ATP10A: variants seen among roughly 807,000 people sequenced by gnomAD.
The protein encoded by ATP10A is ATPase phospholipid transporting 10A (putative), also known as phospholipid-transporting ATPase VA.
Under a neutral mutation model 147.8 loss-of-function variants are expected in ATP10A, and 111 were observed. The observed-to-expected ratio is 0.75, with a 90% CI of 0.64 to 0.88. The LOEUF (loss-of-function observed/expected upper bound fraction) is 0.88, where lower values mean the gene tolerates loss of function less well. Among genes scored for constraint, ATP10A ranks in the 40% least tolerant of loss-of-function variants. The pLI is 0.00. For synonymous variants in ATP10A, 875 were observed against 841.6 expected (o/e 1.04, Z -0.69); for missense variants, 1,927 against 1,959.0 (o/e 0.98, Z 0.31).
intron 2 of ATP10A, among the ~76,000 whole-genome samples, chr15:25,749,173 T>C (rs993590809): frequency 6.6e-6 from 1 of 152,060 alleles, no homozygotes; most frequent in African/African-American, 2.4e-5. Flanking sequence ...CATATGCATG[T>C]ATACTATATT....
At chr15:25,834,344 G>C (rs1892501461) in intron 1 of ATP10A, among the ~76,000 whole-genome samples, 1 of 152,176 alleles carries the variant, frequency 6.6e-6, no homozygotes, top group African/African-American at 2.4e-5. Context: ...TGAAAGATTT[G>C]ACTAGACAAT....
At chr15:25,830,942 C>T (rs990193504) in intron 1 of ATP10A, among the ~76,000 whole-genome samples, 2 of 152,244 alleles carry the variant, frequency 1.3e-5, no homozygotes, top group African/African-American at 4.8e-5. Flanking sequence ...GACGGCAATA[C>T]TTCCCAGGCT....
At chr15:25,690,239 T>TAA (rs1567302679) in intron 15 of ATP10A, among the ~76,000 whole-genome samples, 123 of 142,478 alleles carry the variant, frequency 8.6e-4, no homozygotes, top group African/African-American at 3.2e-3. Context: ...TTCCTTTTTT[T>TAA]TAAAAAAAAA....
chr15:25,792,164 C>A (rs970797826), intron 1 of ATP10A, among the ~76,000 whole-genome samples: 1 of 152,336 alleles, frequency 6.6e-6, no homozygotes. Flanking sequence ...CAGATAATAT[C>A]ATTTGATTTG....
At chr15:25,849,810 C>T (rs1893199230) in intron 1 of ATP10A, among the ~76,000 whole-genome samples, 1 of 151,826 alleles carries the variant, frequency 6.6e-6, no homozygotes, top group African/African-American at 2.4e-5. Context: ...ATGAATCAAA[C>T]TTTCCATCCT....
chr15:25,760,561 G>A (rs1888708982), intron 2 of ATP10A, among the ~76,000 whole-genome samples: 1 of 152,128 alleles, frequency 6.6e-6, no homozygotes, highest in Admixed American at 6.5e-5. Flanking sequence ...AGAATGGAAA[G>A]AATGAAAAAA....
downstream of ATP10A, among the ~76,000 whole-genome samples, chr15:25,674,215 G>A (rs576369981): frequency 1.7e-4 from 26 of 152,346 alleles, no homozygotes; most frequent in South Asian, 5.0e-3. Context: ...TGGGTGATGA[G>A]GCAGAGCCAC....
intron 7 of ATP10A, among the ~76,000 whole-genome samples, chr15:25,719,670 T>C (rs1220150744): frequency 6.6e-6 from 1 of 151,764 alleles, no homozygotes; most frequent in Non-Finnish European, 1.5e-5. Context: ...TATGTTGGTG[T>C]TCTGAAGCAG....
chr15:25,859,906 T>A (rs1390552931), intron 1 of ATP10A, among the ~76,000 whole-genome samples: 1 of 152,164 alleles, frequency 6.6e-6, no homozygotes, highest in Non-Finnish European at 1.5e-5. Flanking sequence ...AGCTAAAGTC[T>A]GCTCATACTC....
At chr15:25,721,183 T>C (rs1425544407) in intron 7 of ATP10A, among the ~76,000 whole-genome samples, 2 of 152,148 alleles carry the variant, frequency 1.3e-5, no homozygotes, top group Non-Finnish European at 2.9e-5. Context: ...GCTTCAATAA[T>C]TGGGAGTGAG....
At chr15:25,785,498 G>A (rs115408202) in intron 1 of ATP10A, among the ~76,000 whole-genome samples, 4,424 of 152,248 alleles carry the variant, frequency 0.029, 189 homozygotes, top group African/African-American at 0.099. Flanking sequence ...CTGAGCTGAC[G>A]AATACACTTA....
intron 1 of ATP10A, among the ~76,000 whole-genome samples, chr15:25,849,548 C>A (rs2140907094): frequency 1.3e-5 from 2 of 152,292 alleles, no homozygotes; most frequent in Middle Eastern, 6.8e-3. Flanking sequence ...CCCATTAAGT[C>A]TGGCCAGACG....
chr15:25,691,796 A>G lies in ATP10A; in HGVS notation c.3089-5T>C, dbSNP rs1900051349. ...TGACATCATTGGCTCCATCACCTAGAAACAGCACAGGCAAGAAGAATTGTT... is the reference window on the plus strand; with the variant it reads ...TGACATCATTGGCTCCATCACCTAGGAACAGCACAGGCAAGAAGAATTGTT... On this transcript the variant is annotated splice_polypyrimidine_tract_variant and splice_region_variant and intron_variant, in intron 14 of 20. Coordinates refer to ENST00000555815, the MANE Select transcript of ATP10A (RefSeq NM_024490.4). 1 of 1,614,036 alleles carries G rather than the reference A, an allele frequency of 6.2e-7. No individual in the cohort carries two copies. The highest frequency in any genetic ancestry group is 1.1e-5 in the South Asian group (1 of 91,074).
intron 1 of ATP10A, among the ~76,000 whole-genome samples, chr15:25,851,584 T>A (rs375220078): frequency 3.5e-4 from 53 of 152,326 alleles, no homozygotes; most frequent in African/African-American, 1.2e-3. Flanking sequence ...CTTCTTCTAG[T>A]GAGGTACATT....
intron 1 of ATP10A, among the ~76,000 whole-genome samples, chr15:25,822,284 A>AT (rs1283043630): frequency 1.3e-5 from 2 of 152,180 alleles, no homozygotes; most frequent in Non-Finnish European, 2.9e-5. Context: ...ATTTACAAAT[A>AT]TATGTTGTAG....
chr15:25,689,177 C>T (rs1321962312), intron 15 of ATP10A, among the ~76,000 whole-genome samples: 1 of 152,270 alleles, frequency 6.6e-6, no homozygotes, highest in East Asian at 1.9e-4. Context: ...TCCCCTAAAT[C>T]CAGGCCTCAA....
downstream of ATP10A, among the ~76,000 whole-genome samples, chr15:25,673,644 T>C (rs186026725): frequency 1.9e-3 from 295 of 152,310 alleles, 2 homozygotes; most frequent in Non-Finnish European, 3.6e-3. Context: ...TCACCCTTCG[T>C]CACTGTCACC....
rs546448788 is a variant in ATP10A, at chr15:25,759,717, G to T, written c.654+21302C>A. Among the ~76,000 whole-genome samples the T allele has an allele frequency of 2.0e-5, 3 of 151,866 alleles. No homozygotes were observed. The South Asian group carries it at 6.2e-4, about 32-fold the overall frequency. ...CCCACCTATTCAGGAGGCTAAGGTGGAGAATCGCTTGAGCCTGGGAGGTGG... is the reference window on the plus strand; with the variant it reads ...CCCACCTATTCAGGAGGCTAAGGTGTAGAATCGCTTGAGCCTGGGAGGTGG... On this transcript the variant is annotated intron_variant, in intron 2 of 20. Transcript: ENST00000555815.
chr15:25,820,322 T>C (rs1410287405), intron 1 of ATP10A, among the ~76,000 whole-genome samples: 1 of 152,140 alleles, frequency 6.6e-6, no homozygotes, highest in Non-Finnish European at 1.5e-5. Context: ...AATTTCAAAA[T>C]TAATGGACAG....
Sources: allele counts gnomAD v4.1 joint callset (sites outside exome capture counted in the v4.1 genomes callset), GRCh38; gene constraint gnomAD v4.1.1; transcripts MANE v1.5; gene names NCBI Gene and HGNC (gene_info 2026-07-23, HGNC 2026-07-21).